Variants in ZFHX3 observed in about 807,000 individuals in gnomAD.
ZFHX3 encodes the protein zinc finger homeobox 3.
ZFHX3 carries 42 observed loss-of-function variants against 279.1 expected under a neutral mutation model. The ratio of observed to expected loss-of-function variants is 0.15; its 90% confidence interval spans 0.12 to 0.19. The LOEUF is 0.19. Ranked by LOEUF, ZFHX3 falls within the 10% of genes least tolerant of loss-of-function variation. The pLI is 1.00. For synonymous variants in ZFHX3, 2,293 were observed against 1,957.8 expected (o/e 1.17, Z -4.52); for missense variants, 4,981 against 4,754.0 (o/e 1.05, Z -1.40).
intron 2 of ZFHX3, among the ~76,000 whole-genome samples, chr16:73,564,397 C>T (rs1324468336): frequency 2.0e-5 from 3 of 152,362 alleles, no homozygotes; most frequent in East Asian, 3.9e-4. Context: ...CCTGCTTCAT[C>T]TCCATTATCC....
chr16:73,333,517 G>A (rs146214160), intron 3 of ZFHX3, among the ~76,000 whole-genome samples: 1 of 152,300 alleles, frequency 6.6e-6, no homozygotes, highest in African/African-American at 2.4e-5. Context: ...AAGCCAGTCA[G>A]CCAGCCCAGG....
At chr16:73,649,276 G>A (rs905823174) in intron 2 of ZFHX3, among the ~76,000 whole-genome samples, 1 of 151,994 alleles carries the variant, frequency 6.6e-6, no homozygotes, top group African/African-American at 2.4e-5. Context: ...CAATGTCTTA[G>A]AAAAGACTTC....
intron 4 of ZFHX3, among the ~76,000 whole-genome samples, chr16:72,847,915 C>T (rs1597305689): frequency 6.6e-6 from 1 of 152,018 alleles, no homozygotes; most frequent in South Asian, 2.1e-4. Context: ...TGCAGCCAGG[C>T]TCCTCCCCTC....
At chr16:73,423,109 T>A (rs2017747335) in intron 3 of ZFHX3, among the ~76,000 whole-genome samples, 3 of 152,090 alleles carry the variant, frequency 2.0e-5, no homozygotes, top group South Asian at 2.1e-4. Context: ...AAAGACTCCA[T>A]CCCCAAATCC....
At chr16:73,697,027 G>GA (rs1385884691) in intron 1 of ZFHX3, among the ~76,000 whole-genome samples, 1 of 152,042 alleles carries the variant, frequency 6.6e-6, no homozygotes, top group African/African-American at 2.4e-5. Context: ...GGAAAATGTA[G>GA]AAAAAAGAGA....
chr16:73,000,032 G>A (rs1007853686), intron 1 of ZFHX3, among the ~76,000 whole-genome samples: 1 of 152,252 alleles, frequency 6.6e-6, no homozygotes, highest in African/African-American at 2.4e-5. Flanking sequence ...GGAATGGGCT[G>A]ACACTGGGCT....
chr16:73,457,932 G>C (rs2018401834), intron 2 of ZFHX3, among the ~76,000 whole-genome samples: 1 of 152,164 alleles, frequency 6.6e-6, no homozygotes, highest in Non-Finnish European at 1.5e-5. Flanking sequence ...CAGGAAGATG[G>C]AGACACTAGC....
intron 5 of ZFHX3, among the ~76,000 whole-genome samples, chr16:73,203,634 C>T (rs2011684603): frequency 6.6e-6 from 1 of 152,208 alleles, no homozygotes; most frequent in African/African-American, 2.4e-5. Context: ...GAGACTCTTC[C>T]TAGCTTTGGA....
rs58052486 is a variant in ZFHX3 at position 73,134,331 on chromosome 16, CTTTTTTTTTTT to C, written c.-1023-3248_-1023-3238del. 3.0e-4 allele frequency among the ~76,000 whole-genome samples: 15 copies of C among 50,316 alleles called. No homozygotes were observed. In the South Asian group the frequency reaches 5.3e-3, roughly 18 times the overall value. 33.0% of individuals were successfully genotyped at this position (50,316 alleles called of 152,430 possible). On this transcript the variant is annotated intron_variant, in intron 6 of 17. Coordinates refer to the ZFHX3 transcript ENST00000641206. ...ACCTTCCGTGTTAGTCTCCCCACCT[CTTTTTTTTTTT>C]TTTTTTTTTTTTTTTTTTTAAGAGA... is the stretch of plus-strand genomic sequence containing the variant.
chr16:72,857,998 G>A (rs183270663), intron 4 of ZFHX3, among the ~76,000 whole-genome samples: 7 of 152,348 alleles, frequency 4.6e-5, no homozygotes, highest in Admixed American at 2.6e-4. Context: ...TCCTCAGCCT[G>A]AAAGGCGGGG....
intron 2 of ZFHX3, among the ~76,000 whole-genome samples, chr16:73,500,691 CA>C (rs35032435): frequency 0.091 from 8,777 of 96,852 alleles, 263 homozygotes; most frequent in African/African-American, 0.15. Context: ...TTTTAAAATA[CA>C]AAAAAAAAAA....
At chr16:72,930,417 TA>T (rs967293792) in intron 3 of ZFHX3, among the ~76,000 whole-genome samples, 21 of 147,044 alleles carry the variant, frequency 1.4e-4, no homozygotes, top group East Asian at 7.9e-4. Flanking sequence ...AACATAAGCT[TA>T]AAAAAAAAAG....
intron 5 of ZFHX3, among the ~76,000 whole-genome samples, chr16:73,225,527 C>T (rs958933791): frequency 2.0e-5 from 3 of 152,090 alleles, no homozygotes; most frequent in African/African-American, 7.2e-5. Flanking sequence ...GAGGTTGAGG[C>T]TGCAGTGAGC....
intron 1 of ZFHX3, among the ~76,000 whole-genome samples, chr16:73,745,817 T>C (rs2053698664): frequency 6.6e-6 from 1 of 152,202 alleles, no homozygotes. Context: ...TCTGGTGTCC[T>C]GACAATTCAG....
chr16:72,887,523 CT>C (rs1190018001), intron 4 of ZFHX3, among the ~76,000 whole-genome samples: 2 of 151,530 alleles, frequency 1.3e-5, no homozygotes, highest in Non-Finnish European at 2.9e-5. Flanking sequence ...GTGGAGGGAG[CT>C]GGGGAGTGGG....
chr16:73,760,353 A>G (rs62043700), intron 1 of ZFHX3, among the ~76,000 whole-genome samples: 18,805 of 152,210 alleles, frequency 0.12, 1,250 homozygotes, highest in East Asian at 0.21. Flanking sequence ...GAATTTTACC[A>G]GAGGTACAAA....
At chr16:73,443,666 C>T (rs2018134297) in intron 3 of ZFHX3, among the ~76,000 whole-genome samples, 1 of 152,214 alleles carries the variant, frequency 6.6e-6, no homozygotes, top group Admixed American at 6.5e-5. Flanking sequence ...CTCCTTCTCT[C>T]CCTTTCTCTC....
chr16:73,497,107 C>G (rs1000035948), intron 2 of ZFHX3, among the ~76,000 whole-genome samples: 1 of 152,224 alleles, frequency 6.6e-6, no homozygotes, highest in Non-Finnish European at 1.5e-5. Flanking sequence ...TAAACTAAAC[C>G]CATATTAACT....
chr16:73,439,297 C>A (rs532262474), intron 3 of ZFHX3, among the ~76,000 whole-genome samples: 3 of 152,220 alleles, frequency 2.0e-5, no homozygotes, highest in African/African-American at 7.2e-5. Context: ...ATTAAAAGAG[C>A]CACCTGGGAG....
Sources: allele counts gnomAD v4.1 joint callset (sites outside exome capture counted in the v4.1 genomes callset), GRCh38; gene constraint gnomAD v4.1.1; transcripts MANE v1.5; gene names NCBI Gene and HGNC (gene_info 2026-07-23, HGNC 2026-07-21).